TMEM74: variants seen among roughly 807,000 people sequenced by gnomAD.
TMEM74 encodes the protein transmembrane protein 74.
Under a neutral mutation model 18.1 loss-of-function variants are expected in TMEM74, and 13 were observed. The ratio of observed to expected loss-of-function variants is 0.72; its 90% confidence interval spans 0.47 to 1.14. The LOEUF (loss-of-function observed/expected upper bound fraction) is 1.14. TMEM74 is among the 50% of genes most tolerant of loss of function. The pLI, the probability that TMEM74 is intolerant of heterozygous loss-of-function variation, is 0.00. For synonymous variants in TMEM74, 159 were observed against 146.6 expected (o/e 1.08, Z -0.61); for missense variants, 372 against 375.9 (o/e 0.99, Z 0.09).
rs1378778837 is a variant in TMEM74 at position 108,780,545 on chromosome 8, C to A, written c.*3636G>T. Among the ~76,000 whole-genome samples, 2 of 152,186 alleles carry A rather than the reference C, an allele frequency of 1.3e-5. No homozygotes were observed. The highest frequency in any genetic ancestry group is 4.8e-5 in the African/African-American group (2 of 41,448). ...GAGGTAAAGGCACACATAAGTTTGGCAGCGCAGTCTCTTTTCAGAAATTGT... is the reference window on the plus strand; with the variant it reads ...GAGGTAAAGGCACACATAAGTTTGGAAGCGCAGTCTCTTTTCAGAAATTGT... On this transcript the variant is annotated 3_prime_UTR_variant, in exon 2 of 2. Transcript: ENST00000297459.
At chr8:108,670,124 T>A (rs1812989380) in intron 1 of TMEM74, among the ~76,000 whole-genome samples, 1 of 151,740 alleles carries the variant, frequency 6.6e-6, no homozygotes, top group Admixed American at 6.6e-5. Flanking sequence ...AAACTATTCA[T>A]AGTATAGTAG....
At chr8:108,650,012 G>A (rs1408503325) in intron 2 of TMEM74, among the ~76,000 whole-genome samples, 1 of 152,020 alleles carries the variant, frequency 6.6e-6, no homozygotes, top group Non-Finnish European at 1.5e-5. Flanking sequence ...TCTGTATAAG[G>A]GAAAATGAGT....
intron 1 of TMEM74, among the ~76,000 whole-genome samples, chr8:108,766,195 T>C (rs947946216): frequency 1.3e-5 from 2 of 149,842 alleles, no homozygotes; most frequent in Non-Finnish European, 2.9e-5. Flanking sequence ...GGGGGTTATT[T>C]CTCCTTTCCT....
chr8:108,615,819 CT>C (rs71564011), intron 2 of TMEM74, among the ~76,000 whole-genome samples: 3,547 of 76,364 alleles, frequency 0.046, 11 homozygotes, highest in African/African-American at 0.085. Flanking sequence ...TGCATGGGAG[CT>C]TTTTTTTTTT....
At chr8:108,638,564 TAA>T (rs34250538) in intron 2 of TMEM74, among the ~76,000 whole-genome samples, 46 of 138,052 alleles carry the variant, frequency 3.3e-4, no homozygotes, top group Non-Finnish European at 3.3e-4. Context: ...TCTCTAGCAT[TAA>T]AAAAAAAAAA....
chr8:108,748,592 T>G (rs1813874571), intron 1 of TMEM74, among the ~76,000 whole-genome samples: 2 of 152,094 alleles, frequency 1.3e-5, no homozygotes, highest in Admixed American at 6.5e-5. Flanking sequence ...TTGTCAATTT[T>G]TGACTTTGTT....
At chr8:108,636,010 C>A (rs1232321941) in intron 2 of TMEM74, among the ~76,000 whole-genome samples, 1 of 152,014 alleles carries the variant, frequency 6.6e-6, no homozygotes, top group Non-Finnish European at 1.5e-5. Flanking sequence ...TCTATGGAGT[C>A]CTTTCATATA....
intron 1 of TMEM74, among the ~76,000 whole-genome samples, chr8:108,756,603 G>GAAAGAAAGAAAGAGA (rs1563543627): frequency 2.3e-5 from 1 of 44,286 alleles, no homozygotes; most frequent in African/African-American, 1.3e-4. Flanking sequence ...AAAGAGAAAG[G>GAAAGAAAGAAAGAGA]AAGGAAGGAA....
intron 2 of TMEM74, among the ~76,000 whole-genome samples, chr8:108,622,503 T>A (rs950468599): frequency 1.3e-5 from 2 of 152,140 alleles, no homozygotes; most frequent in African/African-American, 2.4e-5. Flanking sequence ...CTTGAGATAC[T>A]GTATACTTAG....
intron 1 of TMEM74, among the ~76,000 whole-genome samples, chr8:108,712,093 C>T (rs1378839943): frequency 2.0e-5 from 3 of 152,130 alleles, no homozygotes. Context: ...CCCCAGATTA[C>T]TCAATCAGAA....
rs3019376 is a variant in TMEM74, at chr8:108,615,621, G to C, written n.265-6795C>G. ...AGGAAGCATCCTGGAGATCAATACC[G>C]GTGGAAGGGAGAAGAAGAAAACAGA... On this transcript the variant is annotated intron_variant and non_coding_transcript_variant, in intron 2 of 3. Transcript: ENST00000518838. 1.8e-4 allele frequency among the ~76,000 whole-genome samples: 27 copies of C among 152,130 alleles called. No homozygotes were observed. The East Asian group carries it at 5.2e-3, about 29-fold the overall frequency.
intron 2 of TMEM74, among the ~76,000 whole-genome samples, chr8:108,610,668 G>A (rs568942639): frequency 1.3e-5 from 2 of 152,284 alleles, no homozygotes; most frequent in African/African-American, 4.8e-5. Context: ...TGGGGAACCA[G>A]CAGTTGGAAA....
At chr8:108,731,447 T>C (rs1207335294) in intron 1 of TMEM74, among the ~76,000 whole-genome samples, 2 of 152,204 alleles carry the variant, frequency 1.3e-5, no homozygotes, top group Non-Finnish European at 2.9e-5. Context: ...ATCTCTATGC[T>C]CATTTCTGCC....
intron 1 of TMEM74, among the ~76,000 whole-genome samples, chr8:108,770,140 G>A (rs1466673023): frequency 6.6e-6 from 1 of 152,044 alleles, no homozygotes; most frequent in Non-Finnish European, 1.5e-5. Flanking sequence ...CTACCAAGTG[G>A]CTCATGGACA....
chr8:108,656,323 G>T (rs1247471049), intron 1 of TMEM74, among the ~76,000 whole-genome samples: 1 of 152,082 alleles, frequency 6.6e-6, no homozygotes, highest in Non-Finnish European at 1.5e-5. Flanking sequence ...TTAGTTCAGG[G>T]CTCATAATCG....
chr8:108,726,070 G>A (rs530991317), intron 1 of TMEM74, among the ~76,000 whole-genome samples: 25 of 152,144 alleles, frequency 1.6e-4, no homozygotes, highest in Non-Finnish European at 3.1e-4. Context: ...TGGACATTTC[G>A]GGCCATATTG....
chr8:108,637,415 G>T (rs1812617551), intron 2 of TMEM74, among the ~76,000 whole-genome samples: 1 of 152,070 alleles, frequency 6.6e-6, no homozygotes, highest in African/African-American at 2.4e-5. Flanking sequence ...CATTGAAAAA[G>T]GACTTTGCTG....
At chr8:108,646,247 A>G (rs2935765) in intron 2 of TMEM74, among the ~76,000 whole-genome samples, 28,910 of 152,004 alleles carry the variant, frequency 0.19, 2,801 homozygotes, top group East Asian at 0.27. Flanking sequence ...TATTTTAAGA[A>G]AGTCAGTGTA....
intron 1 of TMEM74, among the ~76,000 whole-genome samples, chr8:108,659,934 CA>C (rs1330665880): frequency 6.6e-6 from 1 of 152,180 alleles, no homozygotes; most frequent in African/African-American, 2.4e-5. Context: ...CCCTTCAGGA[CA>C]ACTTTGATGA....
Sources: allele counts gnomAD v4.1 joint callset (sites outside exome capture counted in the v4.1 genomes callset), GRCh38; gene constraint gnomAD v4.1.1; transcripts MANE v1.5; gene names NCBI Gene and HGNC (gene_info 2026-07-23, HGNC 2026-07-21).